Variants in HPD observed in about 807,000 individuals in gnomAD.
HPD encodes 4-hydroxyphenylpyruvate dioxygenase, also known as 4-hydroxyphenylpyruvic acid oxidase.
HPD carries 35 observed loss-of-function variants against 56.9 expected under a neutral mutation model. That is an observed-to-expected ratio of 0.62 (90% CI 0.47 to 0.82). The LOEUF (loss-of-function observed/expected upper bound fraction) is 0.82. HPD is among the 40% of genes least tolerant of loss of function. The probability of loss-of-function intolerance (pLI) is 0.00; values close to 1 mark genes in which losing one functional copy is unlikely to be tolerated. For missense variants in HPD, 442 were observed against 506.8 expected (o/e 0.87, Z 1.23); for synonymous variants, 186 against 200.2 (o/e 0.93, Z 0.60).
In HPD at chr12:121,849,730, C is replaced by T. The variant is rs2137619401; in HGVS notation, c.475G>A (p.Gly159Arg). The T allele has an allele frequency of 6.2e-7, 1 of 1,614,000 alleles. No individual in the cohort carries two copies. Among genetic ancestry groups the T allele is most frequent in the Admixed American group, 1.7e-5 (1 of 60,008 alleles). The change falls in exon 8 of 14, where the codon GGA becomes AGA. Residue 159 changes from glycine to arginine, a missense_variant. By Grantham distance (125) the Gly-to-Arg change is moderately radical. Coordinates refer to ENST00000289004, the MANE Select transcript of HPD (RefSeq NM_002150.3). ...KMNYIGQFLP[G>R]YEAPAFMDPL... ...TCCATGAACGCTGGGGCCTCATATC[C>T]AGGCAAGAATTGGCCGATGTAGTTC...
At chr12:121,856,257 C>A in intron 6 of HPD, 67 bp downstream of exon 6, 4 of 1,248,278 alleles carry the variant, frequency 3.2e-6, no homozygotes, top group Non-Finnish European at 4.7e-6. Context: ...CCTTCCAGCC[C>A]TGACTGATGG....
upstream of HPD, among the ~76,000 whole-genome samples, chr12:121,866,320 T>C (rs1393171073): frequency 7.0e-6 from 1 of 143,792 alleles, no homozygotes; most frequent in South Asian, 2.2e-4. Flanking sequence ...AAAAAAAGAA[T>C]AAATAAACTT....
In HPD at chr12:121,846,766, G is replaced by A. The variant is rs564460302; in HGVS notation, c.831+96C>T. ...TGTCAGTCTCCCAGCCCAGAGAAAC[G>A]GGCCCAGGACTGCCGCCACCCGCCC... On this transcript the variant is annotated intron_variant, in intron 11 of 13. Transcript: ENST00000289004. The A allele has an allele frequency of 3.8e-5, 43 of 1,135,534 alleles. No homozygotes were observed. The African/African-American group carries it at 4.4e-4, about 12-fold the overall frequency. 70.3% of individuals were successfully genotyped at this position (1,135,534 alleles called of 1,614,324 possible). A position where few individuals can be genotyped will look rare whatever the true frequency, so the allele number is the denominator to read the frequency against.
At chr12:121,868,982 T>C in the HPD span, among the ~76,000 whole-genome samples, 2 of 152,134 alleles carry the variant, frequency 1.3e-5, no homozygotes, top group Non-Finnish European at 2.9e-5. Context: ...TCAACCTCCC[T>C]GGCTCCAGCG....
At chr12:121,841,864 T>C (rs958285264) in intron 12 of HPD, among the ~76,000 whole-genome samples, 2 of 152,042 alleles carry the variant, frequency 1.3e-5, no homozygotes, top group Non-Finnish European at 2.9e-5. Context: ...TTTGTATTTT[T>C]AGTAGAGACA....
At chr12:121,878,720 T>C in the HPD span, among the ~76,000 whole-genome samples, 1 of 150,342 alleles carries the variant, frequency 6.7e-6, no homozygotes, top group Non-Finnish European at 1.5e-5. Context: ...GTTGCCCAGG[T>C]TGGAGTGTAG....
chr12:121,849,697 G>A lies in HPD; in HGVS notation c.508C>T (p.Leu170Phe). 1 of 1,610,262 alleles carries A rather than the reference G, an allele frequency of 6.2e-7. No individual in the cohort carries two copies. Among genetic ancestry groups the A allele is most frequent in the South Asian group, 1.1e-5 (1 of 91,020 alleles). Residue 170 changes from leucine (L) to phenylalanine (F), a missense_variant, in exon 8 of 14, where the codon CTT becomes TTT. Leu to Phe is a conservative substitution (Grantham distance 22). Transcript: ENST00000289004. Reference protein sequence around the residue: ...YEAPAFMDPLLPKLPKCSLEM... With the variant: ...YEAPAFMDPLFPKLPKCSLEM... ...CTGAGGGACACTCACAGTTTAGGAA[G>A]TAGGGGGTCCATGAACGCTGGGGCC...
chr12:121,857,108 C>A, intron 4 of HPD: 1 of 557,302 alleles, frequency 1.8e-6, no homozygotes, highest in East Asian at 3.1e-5. Flanking sequence ...GAGATGGAGT[C>A]TTGCTCTGTC....
chr12:121,877,913 A>G, the HPD span, among the ~76,000 whole-genome samples: 1 of 152,102 alleles, frequency 6.6e-6, no homozygotes, highest in African/African-American at 2.4e-5. Flanking sequence ...TTTATGTGAA[A>G]TCCTTTGATT....
At chr12:121,885,895 G>A in the HPD span, among the ~76,000 whole-genome samples, 3 of 151,200 alleles carry the variant, frequency 2.0e-5, no homozygotes, top group Admixed American at 6.6e-5. Context: ...GGAGGTGGAC[G>A]TTGCAGTGAG....
At chr12:121,854,962 A>G (rs1354646413) in intron 6 of HPD, among the ~76,000 whole-genome samples, 170 bp from the exon 7 acceptor site, 1 of 152,066 alleles carries the variant, frequency 6.6e-6, no homozygotes, top group Non-Finnish European at 1.5e-5. Flanking sequence ...ACTCATGCTC[A>G]TTTGGCAAAT....
intron 7 of HPD, 43 bp from the exon 8 acceptor site, chr12:121,849,833 C>G (rs1210917987): frequency 7.5e-7 from 1 of 1,328,018 alleles, no homozygotes. Flanking sequence ...GGGCACCCAT[C>G]CCCGCCGAGG....
At chr12:121,846,690 G>A (rs769914164) in intron 11 of HPD, among the ~76,000 whole-genome samples, 172 bp downstream of exon 11, 51 of 152,178 alleles carry the variant, frequency 3.4e-4, no homozygotes, top group Non-Finnish European at 5.4e-4. Context: ...CTCTCTGGGG[G>A]TGGGTGTGGC....
chr12:121,851,402 A>G (rs35599566), intron 7 of HPD, among the ~76,000 whole-genome samples: 56,292 of 151,562 alleles, frequency 0.37, 10,892 homozygotes, highest in African/African-American at 0.44. Context: ...GCTGGAGTAC[A>G]GTGGTGCAAC....
the HPD span, among the ~76,000 whole-genome samples, chr12:121,875,427 C>CTTTTTT: frequency 7.4e-6 from 1 of 134,762 alleles, no homozygotes; most frequent in Non-Finnish European, 1.6e-5. Context: ...TTCTTTCTTT[C>CTTTTTT]TTTTTTTTTT....
chr12:121,867,954 GCCA>G, upstream of HPD, among the ~76,000 whole-genome samples: 1 of 152,196 alleles, frequency 6.6e-6, no homozygotes, highest in Non-Finnish European at 1.5e-5. Flanking sequence ...ATAGGTGTGA[GCCA>G]CAGTGCCCCG....
At chr12:121,851,708 T>TA in intron 7 of HPD, among the ~76,000 whole-genome samples, 1 of 11,178 alleles carries the variant, frequency 8.9e-5, no homozygotes, top group East Asian at 3.5e-3. Context: ...TATTTTTTTT[T>TA]TTTTTTTTTT....
chr12:121,855,511 A>T (rs1260344538), intron 6 of HPD, among the ~76,000 whole-genome samples: 2 of 152,200 alleles, frequency 1.3e-5, no homozygotes, highest in East Asian at 3.8e-4. Flanking sequence ...TGAGGTCAGG[A>T]GTTCAAGACC....
chr12:121,872,957 T>C, the HPD span, among the ~76,000 whole-genome samples: 3 of 151,896 alleles, frequency 2.0e-5, no homozygotes, highest in African/African-American at 7.3e-5. Flanking sequence ...CTAGTTTGAG[T>C]TGGGTTTCTG....
Sources: gnomAD v4.1 joint callset for allele counts (sites outside exome capture counted in the v4.1 genomes callset) on GRCh38, gnomAD v4.1.1 for gene constraint, MANE v1.5 for transcripts, NCBI Gene and HGNC (gene_info 2026-07-23, HGNC 2026-07-21) for gene names.